The following TRDN variants were observed in gnomAD, a reference collection of about 807,000 sequenced individuals.
The protein encoded by TRDN is triadin.
In TRDN, 161 loss-of-function variants were observed where a neutral mutation model predicts 149.7. The observed-to-expected ratio is 1.08, with a 90% CI of 0.95 to 1.23. The LOEUF (loss-of-function observed/expected upper bound fraction) is 1.23. Among genes scored for constraint, TRDN ranks in the 50% most tolerant of loss-of-function variants. The pLI is 0.00. For missense variants in TRDN, 896 were observed against 823.5 expected (o/e 1.09, Z -1.08); for synonymous variants, 294 against 250.5 (o/e 1.17, Z -1.64).
intron 38 of TRDN, among the ~76,000 whole-genome samples, chr6:123,229,332 C>T (rs1053928572): frequency 2.0e-5 from 3 of 151,938 alleles, no homozygotes; most frequent in African/African-American, 4.8e-5. Flanking sequence ...AATAAATTTA[C>T]AATAGAAAGT....
At chr6:123,367,759 C>G (rs1367172055) in intron 19 of TRDN, among the ~76,000 whole-genome samples, 1 of 152,160 alleles carries the variant, frequency 6.6e-6, no homozygotes, top group Non-Finnish European at 1.5e-5. Context: ...ATTCTGAGAA[C>G]CTGCATTTCT....
At chr6:123,518,047 A>G (rs1779495826) in intron 5 of TRDN, among the ~76,000 whole-genome samples, 1 of 152,134 alleles carries the variant, frequency 6.6e-6, no homozygotes, top group African/African-American at 2.4e-5. Context: ...AGCTAGTTTT[A>G]TCGTCTAGTT....
chr6:123,443,992 T>G (rs562117530), intron 10 of TRDN, among the ~76,000 whole-genome samples: 3 of 151,360 alleles, frequency 2.0e-5, no homozygotes, highest in South Asian at 2.1e-4. Flanking sequence ...AGGATTGACT[T>G]GGCGATGTAG....
At chr6:123,270,492 T>C (rs1582804291) in intron 30 of TRDN, among the ~76,000 whole-genome samples, 1 of 151,884 alleles carries the variant, frequency 6.6e-6, no homozygotes, top group South Asian at 2.1e-4. Context: ...CTGAGGTGGG[T>C]AGGATTTCTG....
At chr6:123,230,989 A>T (rs1372226696) in intron 38 of TRDN, among the ~76,000 whole-genome samples, 1 of 151,938 alleles carries the variant, frequency 6.6e-6, no homozygotes, top group African/African-American at 2.4e-5. Context: ...AATTATGGGG[A>T]AAATATCTGA....
chr6:123,281,628 T>A (rs1220764518), intron 24 of TRDN, among the ~76,000 whole-genome samples: 1 of 152,028 alleles, frequency 6.6e-6, no homozygotes, highest in Non-Finnish European at 1.5e-5. Flanking sequence ...AAAATACACA[T>A]ACAATTGTGT....
intron 4 of TRDN, among the ~76,000 whole-genome samples, chr6:123,534,798 T>C (rs1780439540): frequency 6.6e-6 from 1 of 152,166 alleles, no homozygotes; most frequent in Non-Finnish European, 1.5e-5. Flanking sequence ...TAATATAACA[T>C]GAAATAATGT....
In TRDN at chr6:123,460,648, TA is replaced by T. The variant is rs566353766; in HGVS notation, c.931+4257del. Among the ~76,000 whole-genome samples the T allele has an allele frequency of 6.1e-3, 930 of 152,170 alleles. 13 individuals carry two copies. The highest frequency in any genetic ancestry group is 0.021 in the African/African-American group (874 of 41,558). On this transcript the variant is annotated intron_variant, in intron 10 of 40. Transcript: ENST00000334268. Reference sequence around the variant, plus strand: ...AAATTTCTATTTTATTATTTTATTTTATTTTTTTACTTCTCAGGATATATCT... The same window carrying T: ...AAATTTCTATTTTATTATTTTATTTTTTTTTTTACTTCTCAGGATATATCT...
chr6:123,411,286 C>G (rs1002446376), intron 12 of TRDN, among the ~76,000 whole-genome samples: 6 of 151,974 alleles, frequency 3.9e-5, no homozygotes, highest in African/African-American at 1.2e-4. Context: ...ACCTCATGAT[C>G]CGCCTGCCTC....
intron 23 of TRDN, 143 bp from the exon 24 acceptor site, chr6:123,316,638 G>T (rs1184565165): frequency 3.7e-6 from 2 of 546,714 alleles, no homozygotes; most frequent in African/African-American, 2.0e-5. Flanking sequence ...GTTATATACT[G>T]TTATCAAAAT....
At chr6:123,561,248 G>A (rs975685482) in intron 2 of TRDN, among the ~76,000 whole-genome samples, 1 of 152,020 alleles carries the variant, frequency 6.6e-6, no homozygotes, top group Admixed American at 6.6e-5. Context: ...TCAGGCTCTT[G>A]GTATTCAGTG....
intron 24 of TRDN, among the ~76,000 whole-genome samples, chr6:123,308,805 A>G (rs1173424658): frequency 6.6e-6 from 1 of 152,066 alleles, no homozygotes; most frequent in African/African-American, 2.4e-5. Flanking sequence ...CACAGTACAG[A>G]GAGAATGATA....
chr6:123,246,679 A>G (rs938578786), intron 38 of TRDN, among the ~76,000 whole-genome samples: 2 of 152,010 alleles, frequency 1.3e-5, no homozygotes, highest in South Asian at 2.1e-4. Flanking sequence ...TTAGTACCAT[A>G]CCTTCTGAAA....
chr6:123,259,238 T>C (rs927362401), intron 35 of TRDN, among the ~76,000 whole-genome samples: 15 of 151,942 alleles, frequency 9.9e-5, no homozygotes, highest in Non-Finnish European at 2.1e-4. Context: ...GTTAGGGTGT[T>C]GATTTTAGAT....
chr6:123,301,752 C>CATATATATAT (rs776895792), intron 24 of TRDN, among the ~76,000 whole-genome samples: 13 of 77,068 alleles, frequency 1.7e-4, no homozygotes, highest in East Asian at 7.9e-4. Flanking sequence ...TATATATATA[C>CATATATATAT]ATATATATAT....
At chr6:123,484,270 G>T (rs570364256) in intron 9 of TRDN, among the ~76,000 whole-genome samples, 2 of 152,144 alleles carry the variant, frequency 1.3e-5, no homozygotes, top group African/African-American at 2.4e-5. Flanking sequence ...AAATATGTCC[G>T]CTTAAGAAAA....
chr6:123,577,584 T>C (rs904020705), intron 1 of TRDN, among the ~76,000 whole-genome samples: 1 of 152,146 alleles, frequency 6.6e-6, no homozygotes, highest in Non-Finnish European at 1.5e-5. Flanking sequence ...TCTTTGCTAT[T>C]TGATAATGCT....
rs79969579 is a variant in TRDN, at chr6:123,268,784, A to G, written c.1739-1033T>C. On this transcript the variant is annotated intron_variant, in intron 31 of 40. Coordinates refer to ENST00000334268, the MANE Select transcript of TRDN (RefSeq NM_006073.4). ...TGAACTGAATTTGCATAAATGTTAT[A>G]GTAAATAAGCATTCAAAATAAAAGA... Among the ~76,000 whole-genome samples the G allele has an allele frequency of 8.3e-3, 1,263 of 152,192 alleles. 27 individuals carry two copies. Among genetic ancestry groups the G allele is most frequent in the East Asian group, 0.079 (409 of 5,184 alleles).
At chr6:123,448,458 C>T (rs1278621603) in intron 10 of TRDN, among the ~76,000 whole-genome samples, 1 of 152,106 alleles carries the variant, frequency 6.6e-6, no homozygotes, top group African/African-American at 2.4e-5. Context: ...CCTGTGACTG[C>T]TGGCTTTCCC....
Sources: gnomAD v4.1 joint callset for allele counts (sites outside exome capture counted in the v4.1 genomes callset) on GRCh38, gnomAD v4.1.1 for gene constraint, MANE v1.5 for transcripts, NCBI Gene and HGNC (gene_info 2026-07-23, HGNC 2026-07-21) for gene names.